The following C8orf34 variants were observed in gnomAD, a reference collection of about 807,000 sequenced individuals.
C8orf34 encodes the protein chromosome 8 open reading frame 34.
A neutral mutation model predicts 68.3 loss-of-function variants in C8orf34; 65 were observed. The observed-to-expected ratio is 0.95, with a 90% CI of 0.78 to 1.17. The LOEUF is 1.17. Among genes scored for constraint, C8orf34 ranks in the 50% most tolerant of loss-of-function variants. The pLI, the probability that C8orf34 is intolerant of heterozygous loss-of-function variation, is 0.00. For missense variants in C8orf34, 664 were observed against 655.4 expected, an observed-to-expected ratio of 1.01 and a Z score of -0.14; for synonymous variants, 244 against 241.2, an observed-to-expected ratio of 1.01 and a Z score of -0.11.
In C8orf34 at chr8:68,815,934, T is replaced by G; in HGVS notation, c.1598T>G (p.Leu533Arg). 1 of 1,613,858 alleles carries G rather than the reference T, an allele frequency of 6.2e-7. No individual in the cohort carries two copies. Among genetic ancestry groups the G allele is most frequent in the East Asian group, 2.2e-5 (1 of 44,870 alleles). Residue 533 changes from leucine (L) to arginine (R), a missense_variant, in exon 13 of 14, where the codon CTG becomes CGG. Coordinates refer to ENST00000518698, the MANE Select transcript of C8orf34 (RefSeq NM_052958.4). ...LCVPCSSCPT[L>R]VYSGL is the part of the protein sequence containing the mutation. ...GTTCCATGCTCTTCTTGTCCTACGC[T>G]GGTCTACTCTGGTATGTTTGCTCAG... is the stretch of plus-strand genomic sequence containing the variant.
At chr8:68,539,451 T>C (rs1301981601) in intron 7 of C8orf34, among the ~76,000 whole-genome samples, 1 of 152,250 alleles carries the variant, frequency 6.6e-6, no homozygotes, top group African/African-American at 2.4e-5. Context: ...AAACTCTTGA[T>C]GAACTTATTA....
At chr8:68,758,739 T>C (rs1822941350) in intron 10 of C8orf34, among the ~76,000 whole-genome samples, 1 of 139,990 alleles carries the variant, frequency 7.1e-6, no homozygotes, top group South Asian at 2.6e-4. Context: ...CTGTACATTA[T>C]TCCCTTGGAC....
chr8:68,684,761 GA>G (rs1042699411), intron 8 of C8orf34, among the ~76,000 whole-genome samples: 4 of 150,690 alleles, frequency 2.7e-5, no homozygotes, highest in African/African-American at 9.8e-5. Context: ...AAGAATTTTA[GA>G]AAAAAAATTA....
chr8:68,776,501 G>T, intron 11 of C8orf34, 52 bp downstream of exon 11: 1 of 1,426,312 alleles, frequency 7.0e-7, no homozygotes, highest in Non-Finnish European at 9.9e-7. Flanking sequence ...TTATGATACA[G>T]GATGAAGCAC....
intron 7 of C8orf34, among the ~76,000 whole-genome samples, chr8:68,582,197 A>G (rs995079648): frequency 5.9e-5 from 9 of 152,160 alleles, no homozygotes; most frequent in Non-Finnish European, 1.2e-4. Flanking sequence ...GTTAGACTCA[A>G]TGAAGAACGG....
At chr8:68,524,726 A>G (rs1814904148) in intron 6 of C8orf34, among the ~76,000 whole-genome samples, 1 of 152,216 alleles carries the variant, frequency 6.6e-6, no homozygotes, top group African/African-American at 2.4e-5. Flanking sequence ...TATTAAAAAT[A>G]ATCCCATGTT....
chr8:68,500,348 C>G (rs1021043291), intron 5 of C8orf34, among the ~76,000 whole-genome samples: 1 of 152,052 alleles, frequency 6.6e-6, no homozygotes, highest in African/African-American at 2.4e-5. Context: ...GGTCATAGAT[C>G]AAAGAAAGCC....
intron 3 of C8orf34, among the ~76,000 whole-genome samples, chr8:68,463,553 G>A (rs566609981): frequency 9.2e-4 from 140 of 152,204 alleles, no homozygotes; most frequent in African/African-American, 3.2e-3. Flanking sequence ...TAAAATACTG[G>A]CAAACTGAAT....
At chr8:68,377,289 T>C (rs1269808948) in intron 1 of C8orf34, among the ~76,000 whole-genome samples, 3 of 152,104 alleles carry the variant, frequency 2.0e-5, no homozygotes, top group Admixed American at 6.6e-5. Context: ...TCTCAGCTAT[T>C]CAGGGGGCTG....
intron 7 of C8orf34, among the ~76,000 whole-genome samples, chr8:68,621,218 G>T (rs980275325): frequency 6.6e-6 from 1 of 152,140 alleles, no homozygotes; most frequent in African/African-American, 2.4e-5. Flanking sequence ...ACAAAGTGGG[G>T]CACGTGGTGC....
intron 1 of C8orf34, among the ~76,000 whole-genome samples, chr8:68,393,341 T>C (rs1171327180): frequency 5.9e-5 from 9 of 152,050 alleles, no homozygotes; most frequent in Non-Finnish European, 1.2e-4. Context: ...CTGCAGGAAA[T>C]GGATGGAGGA....
chr8:68,771,758 G>A (rs115765970), intron 10 of C8orf34, among the ~76,000 whole-genome samples: 2,469 of 152,152 alleles, frequency 0.016, 65 homozygotes, highest in African/African-American at 0.052. Flanking sequence ...CAGCACATGG[G>A]AGTGCTCAAT....
intron 5 of C8orf34, 82 bp from the exon 6 acceptor site, chr8:68,521,717 A>G: frequency 1.6e-6 from 2 of 1,286,074 alleles, no homozygotes; most frequent in Admixed American, 2.4e-5. Context: ...TGACAGTCAA[A>G]TATCTAGGCA....
At chr8:68,601,582 CT>C (rs1156893194) in intron 7 of C8orf34, among the ~76,000 whole-genome samples, 2 of 152,100 alleles carry the variant, frequency 1.3e-5, no homozygotes, top group South Asian at 4.1e-4. Context: ...GCTTGAGTCT[CT>C]TTTGACTACT....
intron 1 of C8orf34, among the ~76,000 whole-genome samples, chr8:68,366,734 T>C (rs1236228163): frequency 4.9e-5 from 7 of 141,618 alleles, no homozygotes; most frequent in East Asian, 2.4e-4. Flanking sequence ...TTACACCTTA[T>C]ACAAAAATCA....
intron 7 of C8orf34, among the ~76,000 whole-genome samples, chr8:68,594,779 G>A (rs1817493799): frequency 6.6e-6 from 1 of 152,152 alleles, no homozygotes; most frequent in East Asian, 1.9e-4. Context: ...CTTAACCCAT[G>A]TAACTTTATG....
intron 8 of C8orf34, among the ~76,000 whole-genome samples, chr8:68,698,726 G>A (rs115337282): frequency 1.3e-5 from 2 of 152,218 alleles, no homozygotes; most frequent in African/African-American, 2.4e-5. Context: ...TGAACTTGAT[G>A]TCTGCTGACC....
intron 1 of C8orf34, among the ~76,000 whole-genome samples, chr8:68,422,660 C>G (rs974012968): frequency 1.3e-5 from 2 of 152,242 alleles, no homozygotes; most frequent in African/African-American, 2.4e-5. Context: ...CCTCTTCTCA[C>G]AGCTCCACTA....
At chr8:68,696,182 A>G (rs1820828661) in intron 8 of C8orf34, among the ~76,000 whole-genome samples, 1 of 150,346 alleles carries the variant, frequency 6.7e-6, no homozygotes, top group Admixed American at 6.7e-5. Context: ...AAAAAAAAAG[A>G]CACTAATATG....
Sources: allele counts gnomAD v4.1 joint callset (sites outside exome capture counted in the v4.1 genomes callset), GRCh38; gene constraint gnomAD v4.1.1; transcripts MANE v1.5; gene names NCBI Gene and HGNC (gene_info 2026-07-23, HGNC 2026-07-21).